CHD2: variants seen among roughly 807,000 people sequenced by gnomAD.
The protein encoded by CHD2 is ATP-dependent chromatin remodeler CHD2.
A neutral mutation model predicts 243.9 loss-of-function variants in CHD2; 28 were observed. The observed-to-expected ratio is 0.11, with a 90% CI of 0.09 to 0.16. CHD2 has a LOEUF of 0.16. Ranked by LOEUF, CHD2 falls within the 10% of genes least tolerant of loss-of-function variation. The pLI is 1.00. For synonymous variants in CHD2, 775 were observed against 779.0 expected, an observed-to-expected ratio of 0.99 and a Z score of 0.09; for missense variants, 1,386 against 2,209.8, an observed-to-expected ratio of 0.63 and a Z score of 7.47.
At chr15:92,902,257 C>A in intron 2 of CHD2, 1 of 397,628 alleles carries the variant, frequency 2.5e-6, no homozygotes, top group South Asian at 1.3e-4. Flanking sequence ...CCTTGGAGTA[C>A]CTTGTTAGTG....
At chr15:92,919,651 A>G (rs1385155199) in intron 2 of CHD2, among the ~76,000 whole-genome samples, 1 of 152,142 alleles carries the variant, frequency 6.6e-6, no homozygotes, top group Non-Finnish European at 1.5e-5. Context: ...TCAGCCTCCC[A>G]AAGTGTTGGG....
intron 37 of CHD2, among the ~76,000 whole-genome samples, chr15:93,019,708 C>A (rs565057193): frequency 6.6e-6 from 1 of 151,958 alleles, no homozygotes; most frequent in Non-Finnish European, 1.5e-5. Context: ...CTGAGGCGGG[C>A]GGATCACCTG....
At chr15:92,913,096 C>T (rs1413637783) in intron 2 of CHD2, among the ~76,000 whole-genome samples, 1 of 152,156 alleles carries the variant, frequency 6.6e-6, no homozygotes, top group Non-Finnish European at 1.5e-5. Context: ...TATTCCCAGG[C>T]TTCTTGCTTG....
chr15:93,004,164 A>G (rs2054291967), intron 33 of CHD2, among the ~76,000 whole-genome samples: 2 of 151,550 alleles, frequency 1.3e-5, no homozygotes, highest in South Asian at 4.1e-4. Context: ...CATTTTATAT[A>G]TTCTTCTGCA....
intron 34 of CHD2, among the ~76,000 whole-genome samples, chr15:93,005,969 T>C (rs879565200): frequency 2.0e-5 from 3 of 152,208 alleles, no homozygotes; most frequent in Admixed American, 6.5e-5. Context: ...TTATGAAATC[T>C]TTAAAAGATG....
Position 92,924,404 on chromosome 15 carries a change from A to G in CHD2, c.146A>G (p.His49Arg), listed in dbSNP as rs1038860028. ...SEQGSDPGSG[H>R]GSESNSSSES... is the part of the protein sequence containing the mutation. ...CAGGGAAGTGATCCAGGAAGTGGAC[A>G]TGGCAGCGAGTCGAACAGCAGCTCT... Residue 49 changes from histidine to arginine, a missense_variant, in exon 3 of 39, where the codon CAT (histidine) becomes CGT (arginine). Around this residue, in one of 19 missense-constraint regions of CHD2, gnomAD observed 89 missense variants for 102.4 expected, o/e 0.87. Transcript: ENST00000394196. 2.5e-6 allele frequency: 4 copies of G among 1,614,178 alleles called. No individual in the cohort carries two copies. Among genetic ancestry groups the G allele is most frequent in the Non-Finnish European group, 3.4e-6 (4 of 1,180,014 alleles).
chr15:92,903,747 A>G (rs373763166), intron 2 of CHD2, among the ~76,000 whole-genome samples: 3,514 of 152,280 alleles, frequency 0.023, 90 homozygotes, highest in Non-Finnish European at 0.029. Flanking sequence ...TGTGCACACA[A>G]AGAGTTCAGT....
intron 12 of CHD2, chr15:92,946,484 TTTATTTTA>T (rs1372242753): frequency 4.0e-6 from 1 of 249,258 alleles, no homozygotes; most frequent in African/African-American, 2.2e-5. Context: ...TTTATTTTAT[TTTATTTTA>T]TTATTTTATT....
intron 36 of CHD2, among the ~76,000 whole-genome samples, chr15:93,013,809 C>G (rs1048911314): frequency 1.3e-5 from 2 of 151,738 alleles, no homozygotes; most frequent in Non-Finnish European, 2.9e-5. Flanking sequence ...GTGGCACATG[C>G]CTGTAGCCCC....
chr15:93,014,661 A>T (rs752558926), intron 36 of CHD2, 35 bp from the exon 37 acceptor site: 1 of 1,589,562 alleles, frequency 6.3e-7, no homozygotes, highest in Non-Finnish European at 8.6e-7. Context: ...TAAGCCTGGG[A>T]TCTTGAGCTT....
At chr15:92,966,414 C>T (rs2053764382) in intron 16 of CHD2, among the ~76,000 whole-genome samples, 1 of 152,050 alleles carries the variant, frequency 6.6e-6, no homozygotes, top group African/African-American at 2.4e-5. Flanking sequence ...TTTAATTCCT[C>T]ACCTATTTTA....
chr15:93,014,121 A>T, intron 36 of CHD2, among the ~76,000 whole-genome samples: 1 of 151,612 alleles, frequency 6.6e-6, no homozygotes, highest in African/African-American at 2.4e-5. Flanking sequence ...ATATAACTAC[A>T]AAAAAAAGCT....
intron 5 of CHD2, among the ~76,000 whole-genome samples, chr15:92,933,727 T>TC (rs2053217681): frequency 6.6e-6 from 1 of 152,150 alleles, no homozygotes; most frequent in Non-Finnish European, 1.5e-5. Context: ...CACCTTAGCC[T>TC]CCTGAGTAGT....
chr15:92,994,677 G>A (rs1049160106), intron 28 of CHD2, among the ~76,000 whole-genome samples: 1 of 152,142 alleles, frequency 6.6e-6, no homozygotes, highest in African/African-American at 2.4e-5. Flanking sequence ...ACGTATTCCT[G>A]TTACTTCTTG....
At chr15:92,980,598 G>A (rs1269281650) in intron 22 of CHD2, among the ~76,000 whole-genome samples, 1 of 152,186 alleles carries the variant, frequency 6.6e-6, no homozygotes, top group Non-Finnish European at 1.5e-5. Flanking sequence ...AGGTGAACCA[G>A]TAGGACTGTA....
rs2054031158 is a variant in CHD2 at position 92,985,504 on chromosome 15, A to G, written c.3244A>G (p.Thr1082Ala). 2 of 1,611,916 alleles carry G rather than the reference A, an allele frequency of 1.2e-6. No homozygotes were observed. The highest frequency in any genetic ancestry group is 1.7e-6 in the Non-Finnish European group (2 of 1,178,630). The change falls in exon 26 of 39, where the codon ACA (threonine) becomes GCA (alanine). Residue 1082 changes from threonine to alanine, a missense_variant. Thr to Ala is a moderately conservative substitution (Grantham distance 58, BLOSUM62 0). Around this residue, in one of 19 missense-constraint regions of CHD2, gnomAD observed 99 missense variants for 206.4 expected, o/e 0.48. Transcript: ENST00000394196. Reference protein sequence around the residue: ...RIRSSTKKAQTNDSDSDTESK... With the variant: ...RIRSSTKKAQANDSDSDTESK... ...TTGCCTCGATCTTTCTCAGGCTCAG[A>G]CAAATGACAGTGACTCTGACACTGA...
In CHD2 at chr15:92,997,045, G is replaced by A. The variant is rs766134171; in HGVS notation, c.3684G>A (p.Glu1228=). The A allele has an allele frequency of 1.1e-5, 18 of 1,613,804 alleles. No homozygotes were observed. The highest frequency in any genetic ancestry group is 1.4e-5 in the Non-Finnish European group (16 of 1,179,936). Residue 1228 remains glutamate (E), a synonymous_variant, in exon 29 of 39, where the codon GAG becomes GAA. Coordinates refer to ENST00000394196, the MANE Select transcript of CHD2 (RefSeq NM_001271.4). The surrounding 1 kb of genome is among the most constrained non-coding windows in gnomAD (Gnocchi z 4.1). ...AATCCATTATCCAACATGAAGAGGAGTTTGAGATGCTGCATAAATCTATCC... is the reference window on the plus strand; with the variant it reads ...AATCCATTATCCAACATGAAGAGGAATTTGAGATGCTGCATAAATCTATCC... ...NVKSIIQHEE[E]FEMLHKSIPV...
chr15:92,950,661 G>C (rs2053541689), intron 13 of CHD2, among the ~76,000 whole-genome samples: 1 of 151,984 alleles, frequency 6.6e-6, no homozygotes, highest in Non-Finnish European at 1.5e-5. Context: ...GCTGAGGTGG[G>C]AGGATCGCTT....
intron 2 of CHD2, among the ~76,000 whole-genome samples, chr15:92,916,360 A>C (rs1015113729): frequency 6.6e-6 from 1 of 152,254 alleles, no homozygotes. Flanking sequence ...GACATAATTC[A>C]GCCCTAATCT....
Sources: gnomAD v4.1 joint callset for allele counts (sites outside exome capture counted in the v4.1 genomes callset) on GRCh38, gnomAD v4.1.1 for gene constraint, gnomAD v4.1.1 regional missense constraint, Gnocchi (gnomAD v3.1) non-coding constraint, MANE v1.5 for transcripts, NCBI Gene and HGNC (gene_info 2026-07-23, HGNC 2026-07-21) for gene names.